Variants in SEC24D observed in about 807,000 individuals in gnomAD.
The protein encoded by SEC24D is SEC24 homolog D, COPII component.
SEC24D carries 69 observed loss-of-function variants against 116.9 expected under a neutral mutation model. That is an observed-to-expected ratio of 0.59 (90% CI 0.49 to 0.72). The LOEUF is 0.72. Among genes scored for constraint, SEC24D ranks in the 30% least tolerant of loss-of-function variants. The probability of loss-of-function intolerance (pLI) is 0.00; values close to 1 mark genes in which losing one functional copy is unlikely to be tolerated. For missense variants in SEC24D, 1,131 were observed against 1,264.1 expected, an observed-to-expected ratio of 0.89 and a Z score of 1.60; for synonymous variants, 405 against 442.8, an observed-to-expected ratio of 0.91 and a Z score of 1.07.
rs1185564441 is a variant in SEC24D, at chr4:118,740,942, T to C, written c.2091A>G (p.Thr697=). The C allele has an allele frequency of 1.9e-6, 3 of 1,596,554 alleles. No homozygotes were observed. The highest frequency in any genetic ancestry group is 2.2e-5 in the East Asian group (1 of 44,570). The stretch of plus-strand genomic sequence containing the variant: ...AAGAATTGTATAAATGATAATTACC[T>C]GTGCTGGTACGAACCCTCATAATAG... ...FDAIMRVRTS[T]GFRATDFFGG... is the part of the protein sequence containing the mutation. The change falls in exon 16 of 23, where the codon ACA becomes ACG. Residue 697 remains threonine (T), a splice_region_variant and synonymous_variant. Coordinates refer to ENST00000280551, the MANE Select transcript of SEC24D (RefSeq NM_014822.4).
chr4:118,824,431 C>A (rs1006825324), intron 3 of SEC24D, among the ~76,000 whole-genome samples, 189 bp downstream of exon 3: 31 of 152,224 alleles, frequency 2.0e-4, no homozygotes, highest in African/African-American at 7.5e-4. Context: ...AAGCCGTGAA[C>A]CATCATGCCC....
At chr4:118,744,183 G>C (rs1258195801) in intron 14 of SEC24D, 25 bp from the exon 15 acceptor site, 1 of 1,493,068 alleles carries the variant, frequency 6.7e-7, no homozygotes, top group Non-Finnish European at 9.0e-7. Flanking sequence ...CAAAAAAAAA[G>C]AAAAAATAAA....
At chr4:118,729,103 G>T (rs1421885250) in intron 21 of SEC24D, 6 of 152,648 alleles carry the variant, frequency 3.9e-5, no homozygotes, top group Admixed American at 1.3e-4. Flanking sequence ...ATTGTATTAG[G>T]TGTTATAAGT....
intron 2 of SEC24D, among the ~76,000 whole-genome samples, chr4:118,831,668 T>C (rs996069609): frequency 5.9e-5 from 9 of 151,952 alleles, no homozygotes; most frequent in Admixed American, 3.9e-4. Context: ...GTGTGGCCCA[T>C]GACAATTCTT....
At chr4:118,790,315 T>G (rs1728840455) in intron 8 of SEC24D, among the ~76,000 whole-genome samples, 1 of 152,244 alleles carries the variant, frequency 6.6e-6, no homozygotes, top group South Asian at 2.1e-4. Flanking sequence ...GTGAAATTAC[T>G]TAATTGCATG....
chr4:118,738,629 T>C (rs1578383917), intron 18 of SEC24D, among the ~76,000 whole-genome samples: 1 of 152,208 alleles, frequency 6.6e-6, no homozygotes, highest in South Asian at 2.1e-4. Context: ...AATATTAGAA[T>C]TGTACACACA....
chr4:118,787,589 G>A (rs1431351791), intron 8 of SEC24D, among the ~76,000 whole-genome samples: 1 of 152,144 alleles, frequency 6.6e-6, no homozygotes, highest in Admixed American at 6.5e-5. Flanking sequence ...GAGGCAGGTG[G>A]ACTGCTTGAG....
At chr4:118,760,390 C>T (rs1010313166) in intron 10 of SEC24D, 1 of 152,172 alleles carries the variant, frequency 6.6e-6, no homozygotes, top group Non-Finnish European at 1.5e-5. Flanking sequence ...ATTCTACATA[C>T]CTCATATAGA....
At chr4:118,829,239 G>A (rs1448285327) in intron 2 of SEC24D, among the ~76,000 whole-genome samples, 1 of 152,204 alleles carries the variant, frequency 6.6e-6, no homozygotes, top group Non-Finnish European at 1.5e-5. Flanking sequence ...GTGGCTGGGT[G>A]CAGTGGCTCA....
chr4:118,738,090 A>G (rs1424172282), intron 19 of SEC24D, 171 bp downstream of exon 19: 1 of 324,438 alleles, frequency 3.1e-6, no homozygotes, highest in South Asian at 5.2e-5. Flanking sequence ...TGTTGGCTAT[A>G]AAAAAAAAAA....
At chr4:118,795,334 G>A (rs951049048) in intron 8 of SEC24D, among the ~76,000 whole-genome samples, 2 of 150,576 alleles carry the variant, frequency 1.3e-5, no homozygotes, top group African/African-American at 2.4e-5. Flanking sequence ...TCAGCCTCCC[G>A]AGTAGCTGGG....
intron 6 of SEC24D, among the ~76,000 whole-genome samples, chr4:118,810,074 C>CTGTGTGTGTGTGTGTGTGTGTGTG (rs71595321): frequency 2.1e-4 from 8 of 38,620 alleles, no homozygotes; most frequent in Admixed American, 3.1e-4. Context: ...TCAGAGGTAG[C>CTGTGTGTGTGTGTGTGTGTGTGTG]TGTGTGTGTG....
At chr4:118,731,291 C>T (rs766116777) in intron 21 of SEC24D, 25 bp downstream of exon 21, 11 of 1,578,336 alleles carry the variant, frequency 7.0e-6, no homozygotes, top group Non-Finnish European at 9.6e-6. Context: ...CATATTACCA[C>T]AAAAGCAATG....
chr4:118,759,122 T>C (rs1578405842), intron 10 of SEC24D, among the ~76,000 whole-genome samples: 1 of 152,338 alleles, frequency 6.6e-6, no homozygotes, highest in East Asian at 1.9e-4. Flanking sequence ...CATCTCCAAT[T>C]TGCACATTTC....
Position 118,745,071 on chromosome 4 carries a change from A to AAG in SEC24D, c.1708-12_1708-11insCT. 1 of 1,505,376 alleles carries AAG rather than the reference A, an allele frequency of 6.6e-7. No individual in the cohort carries two copies. Among genetic ancestry groups the AAG allele is most frequent in the Non-Finnish European group, 9.0e-7 (1 of 1,105,798 alleles). The allele number at this position is 1,505,376 out of a possible 1,614,324, so 93.3% of individuals were successfully genotyped here. A position where few individuals can be genotyped will look rare whatever the true frequency, so the allele number is the denominator to read the frequency against. On this transcript the variant is annotated splice_polypyrimidine_tract_variant and intron_variant, in intron 13 of 22. Coordinates refer to ENST00000280551, the MANE Select transcript of SEC24D (RefSeq NM_014822.4). Reference sequence around the variant, plus strand: ...AGGACAGTCTGCTGCCTAAAAAAAAAAAAAAACCCAAAAACCCACAGAAAA... The same window carrying AAG: ...AGGACAGTCTGCTGCCTAAAAAAAAAAGAAAAAACCCAAAAACCCACAGAAAA...
intron 8 of SEC24D, among the ~76,000 whole-genome samples, chr4:118,775,841 TTTTG>T (rs1484364944): frequency 4.6e-5 from 7 of 152,276 alleles, no homozygotes; most frequent in African/African-American, 7.2e-5. Flanking sequence ...TTTTTAGAAT[TTTTG>T]TTTGTTTCAT....
intron 8 of SEC24D, among the ~76,000 whole-genome samples, chr4:118,778,452 T>C (rs907517222): frequency 6.6e-6 from 1 of 152,216 alleles, no homozygotes; most frequent in African/African-American, 2.4e-5. Flanking sequence ...CTCTGTTCTG[T>C]TCCACTGGTC....
rs1280955614 is a variant in SEC24D at position 118,770,419 on chromosome 4, T to C, written c.1042-2108A>G. On this transcript the variant is annotated intron_variant, in intron 8 of 22. Coordinates refer to ENST00000280551, the MANE Select transcript of SEC24D (RefSeq NM_014822.4). ...AGACAACAAATATGTGCTGTTCAGG[T>C]AGCTTCCTCTGGATTAAAAGTACAA... 3.3e-5 allele frequency among the ~76,000 whole-genome samples: 5 copies of C among 152,176 alleles called. 1 individual carries two copies. Among genetic ancestry groups the C allele is most frequent in the Non-Finnish European group, 5.9e-5 (4 of 68,028 alleles).
intron 3 of SEC24D, among the ~76,000 whole-genome samples, chr4:118,821,391 G>A (rs1264616477): frequency 6.6e-6 from 1 of 152,110 alleles, no homozygotes; most frequent in African/African-American, 2.4e-5. Context: ...TTTTTAGGTT[G>A]CAGATTTTAT....
Sources: allele counts gnomAD v4.1 joint callset (sites outside exome capture counted in the v4.1 genomes callset), GRCh38; gene constraint gnomAD v4.1.1; transcripts MANE v1.5; gene names NCBI Gene and HGNC (gene_info 2026-07-23, HGNC 2026-07-21).